SLC2A13: variants seen among roughly 807,000 people sequenced by gnomAD.
The protein encoded by SLC2A13 is solute carrier family 2 member 13.
SLC2A13 carries 32 observed loss-of-function variants against 64.4 expected under a neutral mutation model. The ratio of observed to expected loss-of-function variants is 0.50; its 90% CI spans 0.37 to 0.67. The LOEUF is 0.67. Among genes scored for constraint, SLC2A13 ranks in the 30% least tolerant of loss-of-function variants. SLC2A13 has a pLI of 0.00. For missense variants in SLC2A13, 743 were observed against 829.2 expected, an observed-to-expected ratio of 0.90 and a Z score of 1.28; for synonymous variants, 338 against 327.1, an observed-to-expected ratio of 1.03 and a Z score of -0.36.
chr12:40,018,722 C>T (rs1947660320), intron 3 of SLC2A13, among the ~76,000 whole-genome samples: 1 of 152,126 alleles, frequency 6.6e-6, no homozygotes, highest in South Asian at 2.1e-4. Context: ...ACAATAATTG[C>T]ATCTTCTTTG....
intron 7 of SLC2A13, among the ~76,000 whole-genome samples, chr12:39,813,920 AC>A (rs778143111): frequency 3.3e-5 from 5 of 152,258 alleles, no homozygotes; most frequent in Non-Finnish European, 5.9e-5. Context: ...TCTGAAGCCT[AC>A]ACAGTCACAT....
chr12:39,768,425 G>T (rs1940440181), intron 7 of SLC2A13, among the ~76,000 whole-genome samples: 1 of 152,062 alleles, frequency 6.6e-6, no homozygotes, highest in Non-Finnish European at 1.5e-5. Context: ...TGGTGCAAGA[G>T]GCCTAGCTTT....
At chr12:39,809,717 T>A (rs1041100703) in intron 7 of SLC2A13, among the ~76,000 whole-genome samples, 31 of 152,270 alleles carry the variant, frequency 2.0e-4, no homozygotes, top group African/African-American at 7.2e-4. Context: ...CCATGTGTTC[T>A]CATTGTTCAG....
intron 4 of SLC2A13, among the ~76,000 whole-genome samples, chr12:39,890,834 T>C (rs887639717): frequency 2.3e-4 from 35 of 152,098 alleles, no homozygotes; most frequent in African/African-American, 8.4e-4. Flanking sequence ...TATACAGCTA[T>C]GAAAAATGTT....
chr12:40,015,210 T>C (rs965158138), intron 3 of SLC2A13, among the ~76,000 whole-genome samples: 3 of 152,342 alleles, frequency 2.0e-5, no homozygotes, highest in Admixed American at 1.3e-4. Context: ...GGGTTTGAAT[T>C]CTGAATTGGC....
intron 3 of SLC2A13, among the ~76,000 whole-genome samples, chr12:39,994,598 T>A (rs977427879): frequency 6.6e-6 from 1 of 152,146 alleles, no homozygotes. Context: ...AACACAAGCA[T>A]ATCTGTGCAT....
intron 3 of SLC2A13, among the ~76,000 whole-genome samples, chr12:40,016,907 T>C (rs1947630443): frequency 6.6e-6 from 1 of 152,218 alleles, no homozygotes; most frequent in Non-Finnish European, 1.5e-5. Flanking sequence ...ACTCCTAATA[T>C]ACACATAAAT....
intron 4 of SLC2A13, among the ~76,000 whole-genome samples, chr12:39,914,340 C>T (rs1451343894): frequency 1.3e-5 from 2 of 151,930 alleles, no homozygotes; most frequent in Non-Finnish European, 2.9e-5. Context: ...TGAAATTTAC[C>T]CTCTTACCTT....
chr12:39,926,635 A>G (rs969682317), intron 4 of SLC2A13, among the ~76,000 whole-genome samples: 5 of 152,062 alleles, frequency 3.3e-5, no homozygotes, highest in African/African-American at 1.2e-4. Context: ...TCTTTTTTCC[A>G]GGCAGGGTCT....
intron 7 of SLC2A13, among the ~76,000 whole-genome samples, chr12:39,823,046 A>G (rs935413624): frequency 4.6e-5 from 7 of 152,204 alleles, no homozygotes; most frequent in African/African-American, 1.7e-4. Context: ...TGAAAAAGTA[A>G]CAGCCTAGAG....
chr12:40,044,318 G>T (rs1176737594), intron 2 of SLC2A13, among the ~76,000 whole-genome samples: 3 of 152,042 alleles, frequency 2.0e-5, no homozygotes, highest in Non-Finnish European at 4.4e-5. Flanking sequence ...GGGACAGCTT[G>T]GGGGGTTAGG....
chr12:39,812,996 AT>A lies in SLC2A13; in HGVS notation c.1445+17106del, dbSNP rs71449493. On this transcript the variant is annotated intron_variant, in intron 7 of 9. Transcript: ENST00000280871. ...AGGCGCCTGACATCATGCCCAGCTA[AT>A]TTTTTTTTTTTTTTTTTTTTTTTTT... Among the ~76,000 whole-genome samples, 20 of 40,614 alleles carry A rather than the reference AT, an allele frequency of 4.9e-4. 1 individual carries two copies. Among genetic ancestry groups the A allele is most frequent in the East Asian group, 4.0e-3 (4 of 1,002 alleles). 26.6% of individuals were successfully genotyped at this position (40,614 alleles called of 152,430 possible). A position where few individuals can be genotyped will look rare whatever the true frequency, so the allele number is the denominator to read the frequency against.
chr12:39,991,750 T>C (rs1947141904), intron 3 of SLC2A13, among the ~76,000 whole-genome samples: 1 of 152,216 alleles, frequency 6.6e-6, no homozygotes, highest in South Asian at 2.1e-4. Flanking sequence ...AGTTGCCTAA[T>C]ATTCTTTGTT....
rs779979479 is a variant in SLC2A13, at chr12:39,756,235, C to T, written c.*3791G>A. The T allele has an allele frequency of 8.6e-5, 13 of 151,916 alleles. No homozygotes were observed. Among genetic ancestry groups the T allele is most frequent in the Admixed American group, 3.9e-4 (6 of 15,208 alleles). The allele number at this position is 151,916 out of a possible 1,614,324, so 9.4% of individuals were successfully genotyped here. ...ACATATGAGCTATAAATTTTAACCA[C>T]AATTTAATACATTTTGCTATAAAGC... On this transcript the variant is annotated 3_prime_UTR_variant, in exon 10 of 10. Coordinates refer to ENST00000280871, the MANE Select transcript of SLC2A13 (RefSeq NM_052885.4).
chr12:40,063,809 A>G (rs1948465561), intron 1 of SLC2A13, among the ~76,000 whole-genome samples: 1 of 152,222 alleles, frequency 6.6e-6, no homozygotes, highest in South Asian at 2.1e-4. Flanking sequence ...AATGTTGACT[A>G]TAATCTCATT....
chr12:39,809,264 TG>T (rs1300231278), intron 7 of SLC2A13, among the ~76,000 whole-genome samples: 1 of 152,222 alleles, frequency 6.6e-6, no homozygotes, highest in Non-Finnish European at 1.5e-5. Flanking sequence ...TCTGTTCCCT[TG>T]ATGTTTATGT....
chr12:40,083,043 T>C (rs966824329), intron 1 of SLC2A13, among the ~76,000 whole-genome samples: 3 of 152,196 alleles, frequency 2.0e-5, no homozygotes, highest in Admixed American at 6.5e-5. Flanking sequence ...TCTTCCTGTC[T>C]GCATCTAGTC....
intron 7 of SLC2A13, among the ~76,000 whole-genome samples, chr12:39,812,342 C>T (rs1225734689): frequency 4.7e-5 from 2 of 42,970 alleles, no homozygotes; most frequent in Non-Finnish European, 1.2e-4. Flanking sequence ...TTTCTTTTTT[C>T]TTTTCTTTTC....
At chr12:39,894,664 A>T (rs578031777) in intron 4 of SLC2A13, among the ~76,000 whole-genome samples, 5 of 152,338 alleles carry the variant, frequency 3.3e-5, no homozygotes, top group Admixed American at 3.3e-4. Flanking sequence ...TATCTTTTTT[A>T]GGTCAGGGCC....
Sources: allele counts gnomAD v4.1 joint callset (sites outside exome capture counted in the v4.1 genomes callset), GRCh38; gene constraint gnomAD v4.1.1; transcripts MANE v1.5; gene names NCBI Gene and HGNC (gene_info 2026-07-23, HGNC 2026-07-21).